RSU1: variants seen among roughly 807,000 people sequenced by gnomAD.
RSU1 encodes the protein Ras suppressor protein 1.
A neutral mutation model predicts 31.1 loss-of-function variants in RSU1; 26 were observed. The ratio of observed to expected loss-of-function variants is 0.84; its 90% CI spans 0.61 to 1.16. The LOEUF (loss-of-function observed/expected upper bound fraction) is 1.16, where lower values mean the gene tolerates loss of function less well. Ranked by LOEUF, RSU1 falls within the 50% of genes most tolerant of loss-of-function variation. The pLI is 0.00. For missense variants in RSU1, 320 were observed against 339.1 expected (o/e 0.94, Z 0.44); for synonymous variants, 164 against 136.3 (o/e 1.20, Z -1.41).
intron 7 of RSU1, among the ~76,000 whole-genome samples, chr10:16,698,824 T>C (rs1372526504): frequency 6.6e-6 from 1 of 152,198 alleles, no homozygotes; most frequent in Non-Finnish European, 1.5e-5. Flanking sequence ...CATCTTCACT[T>C]ATATCACTTC....
At chr10:16,657,956 C>T (rs966055246) in intron 8 of RSU1, among the ~76,000 whole-genome samples, 23 of 152,058 alleles carry the variant, frequency 1.5e-4, no homozygotes, top group Admixed American at 4.6e-4. Flanking sequence ...CACGACTGCA[C>T]TCCAGCCTGG....
intron 8 of RSU1, among the ~76,000 whole-genome samples, chr10:16,600,549 C>T (rs547568086): frequency 1.4e-5 from 2 of 138,632 alleles, no homozygotes; most frequent in Non-Finnish European, 3.0e-5. Context: ...CTATTACTGA[C>T]ACGTGTTTTT....
intron 2 of RSU1, among the ~76,000 whole-genome samples, chr10:16,810,676 G>A (rs1342786611): frequency 2.6e-5 from 4 of 152,132 alleles, no homozygotes; most frequent in African/African-American, 9.7e-5. Context: ...ACGTTTCCAA[G>A]AAATAAAGAT....
At chr10:16,738,294 A>T (rs1342528576) in intron 7 of RSU1, among the ~76,000 whole-genome samples, 2 of 152,012 alleles carry the variant, frequency 1.3e-5, no homozygotes, top group Non-Finnish European at 2.9e-5. Flanking sequence ...AAAAAAAAAT[A>T]CAAAAAATTA....
chr10:16,762,303 T>C (rs1416186069), intron 4 of RSU1, among the ~76,000 whole-genome samples: 1 of 150,984 alleles, frequency 6.6e-6, no homozygotes, highest in African/African-American at 2.4e-5. Flanking sequence ...TTTATATATA[T>C]ATATATAAAA....
At chr10:16,739,170 A>T (rs1222706474) in intron 7 of RSU1, among the ~76,000 whole-genome samples, 1 of 152,174 alleles carries the variant, frequency 6.6e-6, no homozygotes, top group Non-Finnish European at 1.5e-5. Flanking sequence ...TGCAATAAAC[A>T]TACATGCACA....
intron 8 of RSU1, among the ~76,000 whole-genome samples, chr10:16,613,606 C>A (rs1463247615): frequency 6.6e-6 from 1 of 152,168 alleles, no homozygotes; most frequent in African/African-American, 2.4e-5. Flanking sequence ...CTGGGCTTGC[C>A]ACCTTGGTTG....
At chr10:16,637,534 A>G (rs1054682764) in intron 8 of RSU1, among the ~76,000 whole-genome samples, 7 of 151,724 alleles carry the variant, frequency 4.6e-5, no homozygotes, top group Non-Finnish European at 1.0e-4. Flanking sequence ...GATGTGTGAT[A>G]CTGGAGAATC....
Position 16,592,203 on chromosome 10 carries a change from A to G in RSU1, c.*1191T>C, listed in dbSNP as rs1833518011. The G allele has an allele frequency of 6.6e-6, 1 of 152,250 alleles. No homozygotes were observed. Among genetic ancestry groups the G allele is most frequent in the Admixed American group, 6.5e-5 (1 of 15,274 alleles). The allele number at this position is 152,250 out of a possible 1,614,324, so 9.4% of individuals were successfully genotyped here. A position where few individuals can be genotyped will look rare whatever the true frequency, so the allele number is the denominator to read the frequency against. On this transcript the variant is annotated 3_prime_UTR_variant, in exon 9 of 9. Coordinates refer to ENST00000345264, the MANE Select transcript of RSU1 (RefSeq NM_012425.4). ...CTCAACTGGGAAGCCGAAAGGACAC[A>G]GCAGAGAAGGGCAGGCCCCCTCTCC...
intron 8 of RSU1, among the ~76,000 whole-genome samples, chr10:16,621,981 A>G (rs1258683882): frequency 2.0e-5 from 3 of 152,230 alleles, no homozygotes; most frequent in East Asian, 1.9e-4. Flanking sequence ...GAAAAACATT[A>G]TAACAATACA....
At chr10:16,675,305 T>C (rs1319948223) in intron 8 of RSU1, among the ~76,000 whole-genome samples, 2 of 152,190 alleles carry the variant, frequency 1.3e-5, no homozygotes, top group East Asian at 1.9e-4. Context: ...TCAAAAGGTT[T>C]TGTAGTTATG....
intron 8 of RSU1, among the ~76,000 whole-genome samples, chr10:16,667,950 C>T (rs1337632122): frequency 2.6e-5 from 4 of 152,164 alleles, no homozygotes; most frequent in South Asian, 4.1e-4. Context: ...AATCAAATAA[C>T]CACACAAATA....
intron 8 of RSU1, among the ~76,000 whole-genome samples, chr10:16,617,649 A>G (rs1003170464): frequency 1.3e-5 from 2 of 152,170 alleles, no homozygotes; most frequent in African/African-American, 2.4e-5. Context: ...ATATAGACCA[A>G]TAGAACAGAA....
chr10:16,649,286 C>A (rs1355983555), intron 8 of RSU1, among the ~76,000 whole-genome samples: 1 of 152,138 alleles, frequency 6.6e-6, no homozygotes, highest in Non-Finnish European at 1.5e-5. Flanking sequence ...AAATCAGTCT[C>A]CTTCTCAGAG....
At chr10:16,668,166 T>C (rs531014801) in intron 8 of RSU1, among the ~76,000 whole-genome samples, 1 of 152,220 alleles carries the variant, frequency 6.6e-6, no homozygotes, top group Non-Finnish European at 1.5e-5. Context: ...AAAATGGGGA[T>C]AAGCAGTATT....
chr10:16,707,415 T>C lies in RSU1; in HGVS notation c.599-12260A>G, dbSNP rs190160360. On this transcript the variant is annotated intron_variant, in intron 7 of 8. Coordinates refer to ENST00000345264, the MANE Select transcript of RSU1 (RefSeq NM_012425.4). The stretch of plus-strand genomic sequence containing the variant: ...TATTTTCTCTTTTTAACAATAGCCA[T>C]GCTAACTGGAGTGAGGTGGTATTTT... Among the ~76,000 whole-genome samples the C allele has an allele frequency of 1.1e-3, 162 of 152,292 alleles. 5 individuals carry two copies. In the South Asian group the frequency reaches 0.024, roughly 22 times the overall value.
rs962668338 is a variant in RSU1 at position 16,752,993 on chromosome 10, C to T, written c.408G>A (p.Leu136=). The change falls in exon 6 of 9, where the codon CTG becomes CTA. Residue 136 remains leucine (L), a synonymous_variant. Coordinates refer to ENST00000345264, the MANE Select transcript of RSU1 (RefSeq NM_012425.4). ...CGTTGTCACTTAGATAGAGTGCACG[C>T]AGGGTGGCTGCAAATTAAACAGCAA... ...LPGNFFYLTT[L]RALYLSDNDF... is the part of the protein sequence containing the mutation. 6.2e-7 allele frequency: 1 copy of T among 1,613,736 alleles called. No homozygotes were observed. The highest frequency in any genetic ancestry group is 8.5e-7 in the Non-Finnish European group (1 of 1,179,756).
intron 8 of RSU1, among the ~76,000 whole-genome samples, chr10:16,615,235 T>C (rs1833956046): frequency 6.6e-6 from 1 of 151,872 alleles, no homozygotes; most frequent in Non-Finnish European, 1.5e-5. Flanking sequence ...GTTGCAATTC[T>C]AGTCACTGAC....
intron 4 of RSU1, among the ~76,000 whole-genome samples, chr10:16,760,406 G>A (rs909182757): frequency 1.3e-5 from 2 of 151,814 alleles, no homozygotes; most frequent in African/African-American, 4.8e-5. Context: ...CTACTCGGGA[G>A]GCTGAGGCAG....
Sources: gnomAD v4.1 joint callset for allele counts (sites outside exome capture counted in the v4.1 genomes callset) on GRCh38, gnomAD v4.1.1 for gene constraint, MANE v1.5 for transcripts, NCBI Gene and HGNC (gene_info 2026-07-23, HGNC 2026-07-21) for gene names.